MAP3K3: variants seen among roughly 807,000 people sequenced by gnomAD.
MAP3K3 encodes MAP/ERK kinase kinase 3.
In MAP3K3, 12 loss-of-function variants were observed where a neutral mutation model predicts 80.9. The observed-to-expected ratio is 0.15, with a 90% CI of 0.10 to 0.24. MAP3K3 has a LOEUF of 0.24. MAP3K3 is among the 10% of genes least tolerant of loss of function. The probability of loss-of-function intolerance (pLI) is 1.00; values close to 1 mark genes in which losing one functional copy is unlikely to be tolerated. For missense variants in MAP3K3, 596 were observed against 834.7 expected (o/e 0.71, Z 3.52); for synonymous variants, 272 against 307.1 (o/e 0.89, Z 1.19).
At chr17:63,677,457 A>T (rs1381998072) in intron 6 of MAP3K3, among the ~76,000 whole-genome samples, 2 of 152,200 alleles carry the variant, frequency 1.3e-5, no homozygotes, top group Non-Finnish European at 2.9e-5. Flanking sequence ...GTGACATGAT[A>T]AGACTTAGGA....
chr17:63,665,425 A>G (rs1302890722), intron 5 of MAP3K3, among the ~76,000 whole-genome samples: 1 of 152,064 alleles, frequency 6.6e-6, no homozygotes, highest in East Asian at 1.9e-4. Context: ...TCAGCCTCCC[A>G]AAGTGCTGGG....
At chr17:63,659,065 T>C (rs1362904010) in intron 5 of MAP3K3, among the ~76,000 whole-genome samples, 1 of 152,004 alleles carries the variant, frequency 6.6e-6, no homozygotes, top group Non-Finnish European at 1.5e-5. Context: ...AGAGATGGGG[T>C]CTCACTGTGT....
intron 2 of MAP3K3, among the ~76,000 whole-genome samples, chr17:63,641,795 G>A (rs2034448607): frequency 6.6e-6 from 1 of 152,102 alleles, no homozygotes; most frequent in African/African-American, 2.4e-5. Context: ...GCAGGAGAAA[G>A]CCAGAAGTCA....
chr17:63,682,991 C>A (rs1013862562), intron 7 of MAP3K3, among the ~76,000 whole-genome samples: 1 of 152,190 alleles, frequency 6.6e-6, no homozygotes, highest in African/African-American at 2.4e-5. Context: ...ATGCAAATGG[C>A]AATTTGGCTT....
intron 2 of MAP3K3, among the ~76,000 whole-genome samples, chr17:63,639,457 TTGAG>T (rs2034398458): frequency 6.6e-6 from 1 of 152,124 alleles, no homozygotes; most frequent in South Asian, 2.1e-4. Flanking sequence ...CCAGAGGGCT[TTGAG>T]TGATAGCAGA....
chr17:63,633,314 T>TTA (rs1434901970), intron 2 of MAP3K3, among the ~76,000 whole-genome samples: 1 of 152,164 alleles, frequency 6.6e-6, no homozygotes, highest in African/African-American at 2.4e-5. Context: ...ATTTCATCTG[T>TTA]TATGGGGACA....
chr17:63,644,649 G>A (rs1194478603), intron 2 of MAP3K3, among the ~76,000 whole-genome samples: 1 of 152,162 alleles, frequency 6.6e-6, no homozygotes, highest in East Asian at 1.9e-4. Context: ...GTGTAAATTA[G>A]AACCACTCTT....
chr17:63,665,403 G>T (rs910355601), intron 5 of MAP3K3, among the ~76,000 whole-genome samples: 4 of 152,024 alleles, frequency 2.6e-5, no homozygotes, highest in Admixed American at 2.6e-4. Context: ...CTGACCTCAT[G>T]ATCCGCCCGC....
At chr17:63,650,696 G>GAGAGAGAGAGAGAGAGAGA (rs752583799) in intron 3 of MAP3K3, among the ~76,000 whole-genome samples, 1 of 112,484 alleles carries the variant, frequency 8.9e-6, no homozygotes, top group African/African-American at 3.7e-5. Context: ...GAGAGAGAGA[G>GAGAGAGAGAGAGAGAGAGA]TTTTTTTTTT....
chr17:63,664,120 G>T (rs559861455), intron 5 of MAP3K3, among the ~76,000 whole-genome samples: 1 of 151,426 alleles, frequency 6.6e-6, no homozygotes, highest in Non-Finnish European at 1.5e-5. Flanking sequence ...GGTAGCGGGC[G>T]CCTGTAGTCC....
chr17:63,674,225 C>T (rs1288407603), intron 6 of MAP3K3, among the ~76,000 whole-genome samples: 1 of 152,160 alleles, frequency 6.6e-6, no homozygotes, highest in African/African-American at 2.4e-5. Context: ...AGCCATACTC[C>T]AACGCCTGAG....
rs1183128007 is a variant in MAP3K3, at chr17:63,627,445, C to CT, written c.4+4697dup. Among the ~76,000 whole-genome samples, 1,433 of 143,452 alleles carry CT rather than the reference C, an allele frequency of 1.0e-2. 20 individuals carry two copies. Among genetic ancestry groups the CT allele is most frequent in the African/African-American group, 0.031 (1,209 of 39,424 alleles). The allele number at this position is 143,452 out of a possible 152,430, so 94.1% of individuals were successfully genotyped here. On this transcript the variant is annotated intron_variant, in intron 1 of 15. Transcript: ENST00000361733. The stretch of plus-strand genomic sequence containing the variant: ...TGTTCACGTGTAAAGTTCACAAATA[C>CT]TTTTTTTTTTTTTTTGGGGTGGAGT...
chr17:63,691,180 C>G lies in MAP3K3; in HGVS notation c.1291C>G (p.Leu431Val). 1 of 1,614,202 alleles carries G rather than the reference C, an allele frequency of 6.2e-7. No individual in the cohort carries two copies. The highest frequency in any genetic ancestry group is 1.1e-5 in the South Asian group (1 of 91,086). ...GCGCATCGTGCAGTACTATGGCTGT[C>G]TGCGGGACCGCGCTGAGAAGACCCT... ...HERIVQYYGC[L>V]RDRAEKTLTI... The change falls in exon 13 of 16, where the codon CTG becomes GTG. Residue 431 changes from leucine to valine, a missense_variant. This residue lies in a region of MAP3K3 where 364 missense variants were observed against 588.9 expected (regional missense o/e 0.62). Coordinates refer to ENST00000361733, the MANE Select transcript of MAP3K3 (RefSeq NM_002401.5). The surrounding 1 kb of genome is among the most constrained non-coding windows in gnomAD (Gnocchi z 4.8).
chr17:63,681,908 A>G lies in MAP3K3; in HGVS notation c.636+9A>G, dbSNP rs762499560. ...AGACCAGCGAGCAGTGCGTGAGTAT[A>G]GGGGGGCTGGGATATGCCTGTGGCC... On this transcript the variant is annotated intron_variant, in intron 7 of 15. Transcript: ENST00000361733. 5.7e-6 allele frequency: 8 copies of G among 1,402,822 alleles called. No homozygotes were observed. The highest frequency in any genetic ancestry group is 5.1e-5 in the Admixed American group (2 of 39,010). The allele number at this position is 1,402,822 out of a possible 1,614,324, so 86.9% of individuals were successfully genotyped here.
chr17:63,654,834 G>C (rs975314523), intron 4 of MAP3K3, among the ~76,000 whole-genome samples: 1 of 152,040 alleles, frequency 6.6e-6, no homozygotes, highest in African/African-American at 2.4e-5. Context: ...TCAGGAGTTC[G>C]AGACCAGCCT....
intron 3 of MAP3K3, 116 bp from the exon 4 acceptor site, chr17:63,652,441 G>C (rs2034675665): frequency 2.9e-6 from 2 of 700,204 alleles, no homozygotes; most frequent in Non-Finnish European, 4.9e-6. Context: ...CAAATTGAGT[G>C]AAAGAAAACA....
At chr17:63,675,709 G>A (rs562214039) in intron 6 of MAP3K3, among the ~76,000 whole-genome samples, 1 of 152,220 alleles carries the variant, frequency 6.6e-6, no homozygotes, top group African/African-American at 2.4e-5. Flanking sequence ...AACTGCTACT[G>A]TGCTCCTTTG....
Position 63,693,827 on chromosome 17 carries a change from G to C in MAP3K3, c.*50G>C, listed in dbSNP as rs199668197. 573 of 1,494,588 alleles carry C rather than the reference G, an allele frequency of 3.8e-4. 1 individual carries two copies. Among genetic ancestry groups the C allele is most frequent in the South Asian group, 1.2e-3 (103 of 84,858 alleles). The allele number at this position is 1,494,588 out of a possible 1,614,324, so 92.6% of individuals were successfully genotyped here. A position where few individuals can be genotyped will look rare whatever the true frequency, so the allele number is the denominator to read the frequency against. On this transcript the variant is annotated 3_prime_UTR_variant, in exon 16 of 16. Coordinates refer to ENST00000361733, the MANE Select transcript of MAP3K3 (RefSeq NM_002401.5). This position sits in a 1 kb window ranked among gnomAD's most constrained non-coding sequence, Gnocchi z 4.2. The stretch of plus-strand genomic sequence containing the variant: ...GTCGCCCTTTGCTGCATGGCAGGGG[G>C]CTGCTGCTGGGCTCAGTGAAGTTGC...
chr17:63,691,710 C>G lies in MAP3K3; in HGVS notation c.1345-23C>G. 4 of 1,610,138 alleles carry G rather than the reference C, an allele frequency of 2.5e-6. No homozygotes were observed. In the South Asian group the frequency reaches 4.4e-5, roughly 18 times the overall value. On this transcript the variant is annotated intron_variant, in intron 13 of 15. Transcript: ENST00000361733. The surrounding 1 kb of genome is among the most constrained non-coding windows in gnomAD (Gnocchi z 4.8). ...CACCAGCCCTCCCCTGAGGGGACTC[C>G]TCTGACTTCTTGTGGCCTCCAGGGC...
Sources: allele counts gnomAD v4.1 joint callset (sites outside exome capture counted in the v4.1 genomes callset), GRCh38; gene constraint gnomAD v4.1.1; regional missense constraint gnomAD v4.1.1; non-coding constraint Gnocchi (gnomAD v3.1); transcripts MANE v1.5; gene names NCBI Gene and HGNC (gene_info 2026-07-23, HGNC 2026-07-21).